Variants in RPTOR observed in about 807,000 individuals in gnomAD.
RPTOR encodes regulatory associated protein of MTOR complex 1.
Under a neutral mutation model 169.9 loss-of-function variants are expected in RPTOR, and 21 were observed. The observed-to-expected ratio is 0.12, with a 90% CI of 0.09 to 0.18. RPTOR has a LOEUF of 0.18. RPTOR is among the 10% of genes least tolerant of loss of function. The pLI is 1.00. For synonymous variants in RPTOR, 732 were observed against 753.2 expected, an observed-to-expected ratio of 0.97 and a Z score of 0.46; for missense variants, 1,133 against 1,855.9, an observed-to-expected ratio of 0.61 and a Z score of 7.16.
chr17:80,691,557 G>A (rs2065992114), intron 3 of RPTOR, among the ~76,000 whole-genome samples: 2 of 152,186 alleles, frequency 1.3e-5, no homozygotes, highest in South Asian at 2.1e-4. Flanking sequence ...CGATGTCCAC[G>A]TCGTTCCATC....
intron 11 of RPTOR, among the ~76,000 whole-genome samples, chr17:80,854,407 C>T (rs1157245462): frequency 6.6e-6 from 1 of 152,230 alleles, no homozygotes; most frequent in African/African-American, 2.4e-5. Context: ...GTGACCAGCT[C>T]AGGCAGCAGG....
rs144384143 is a variant in RPTOR, at chr17:80,856,606, C to T, written c.1398+1059C>T. Among the ~76,000 whole-genome samples, 459 of 152,334 alleles carry T rather than the reference C, an allele frequency of 3.0e-3. 1 individual carries two copies. Among genetic ancestry groups the T allele is most frequent in the Admixed American group, 6.9e-3 (106 of 15,302 alleles). On this transcript the variant is annotated intron_variant, in intron 12 of 33. Coordinates refer to ENST00000306801, the MANE Select transcript of RPTOR (RefSeq NM_020761.3). Reference sequence around the variant, plus strand: ...TCCAGGTGCCTGAGGCCACAAATAGCTTGTAACAGAGTCAGGGCCTGAGTC... The same window carrying T: ...TCCAGGTGCCTGAGGCCACAAATAGTTTGTAACAGAGTCAGGGCCTGAGTC...
intron 33 of RPTOR, among the ~76,000 whole-genome samples, chr17:80,963,401 C>T (rs1272446099): frequency 7.3e-5 from 11 of 150,220 alleles, no homozygotes; most frequent in African/African-American, 2.7e-4. Flanking sequence ...ACCCCGTCCC[C>T]TGTGCGGCCC....
At chr17:80,725,438 T>C (rs1254953682) in intron 4 of RPTOR, among the ~76,000 whole-genome samples, 1 of 152,246 alleles carries the variant, frequency 6.6e-6, no homozygotes, top group Non-Finnish European at 1.5e-5. Flanking sequence ...TTCTCTGTAC[T>C]TTTAGTTTTG....
chr17:80,882,658 A>G (rs910402319), intron 14 of RPTOR, among the ~76,000 whole-genome samples: 8 of 152,336 alleles, frequency 5.3e-5, no homozygotes, highest in East Asian at 1.9e-4. Flanking sequence ...GTCAGCGAGG[A>G]GGAAACGGAA....
intron 2 of RPTOR, among the ~76,000 whole-genome samples, chr17:80,636,961 C>G (rs957888473): frequency 1.3e-5 from 2 of 152,252 alleles, no homozygotes; most frequent in African/African-American, 2.4e-5. Flanking sequence ...AGGTCTCCAG[C>G]AGATTCTGGG....
At position 80,949,510 on chromosome 17, in the gene RPTOR, G is replaced by A. The variant is rs374929985; in HGVS notation, c.3333G>A (p.Ala1111=). 1.7e-5 allele frequency: 28 copies of A among 1,614,038 alleles called. No homozygotes were observed. Among genetic ancestry groups the A allele is most frequent in the South Asian group, 2.2e-5 (2 of 91,094 alleles). ...DLEKNPEMVT[A]WQGLSDMLPT... ...AAAAGAACCCAGAGATGGTGACCGC[G>A]TGGCAGGGGCTCTCGGACATGCTGC... The change falls in exon 28 of 34, where the codon GCG becomes GCA. Residue 1111 remains alanine (A), a synonymous_variant. Coordinates refer to ENST00000306801, the MANE Select transcript of RPTOR (RefSeq NM_020761.3).
intron 7 of RPTOR, among the ~76,000 whole-genome samples, chr17:80,815,437 C>T (rs1471311223): frequency 1.3e-5 from 2 of 152,260 alleles, no homozygotes; most frequent in Non-Finnish European, 2.9e-5. Flanking sequence ...CTGTGCGTAC[C>T]AGCTGGGACT....
At chr17:80,874,384 A>G (rs1054618557) in intron 13 of RPTOR, among the ~76,000 whole-genome samples, 3 of 152,092 alleles carry the variant, frequency 2.0e-5, no homozygotes, top group African/African-American at 7.2e-5. Flanking sequence ...TCTAGTAGAG[A>G]TGGGGTTTCA....
chr17:80,942,127 A>T (rs1320659805), intron 25 of RPTOR: 1 of 151,934 alleles, frequency 6.6e-6, no homozygotes, highest in Non-Finnish European at 1.5e-5. Context: ...GAGAGAACAG[A>T]CCCTGCTGGA....
chr17:80,870,950 C>T (rs2068045524), intron 13 of RPTOR, among the ~76,000 whole-genome samples: 1 of 152,192 alleles, frequency 6.6e-6, no homozygotes, highest in Non-Finnish European at 1.5e-5. Flanking sequence ...TGTCCTTTTT[C>T]TGTCCCAGGA....
At chr17:80,684,943 A>G (rs920725807) in intron 3 of RPTOR, among the ~76,000 whole-genome samples, 2 of 152,206 alleles carry the variant, frequency 1.3e-5, no homozygotes, top group South Asian at 2.1e-4. Context: ...ACATTTTGCA[A>G]TTACAGATAA....
At chr17:80,915,109 TG>T (rs1467198835) in intron 21 of RPTOR, among the ~76,000 whole-genome samples, 1 of 123,836 alleles carries the variant, frequency 8.1e-6, no homozygotes, top group Admixed American at 7.8e-5. Flanking sequence ...GAGCAGACGT[TG>T]GGAAAACCAG....
chr17:80,769,414 T>C (rs1280346497), intron 6 of RPTOR, among the ~76,000 whole-genome samples: 1 of 152,254 alleles, frequency 6.6e-6, no homozygotes, highest in Non-Finnish European at 1.5e-5. Context: ...CCACAGTCAC[T>C]GAGAACAGCC....
chr17:80,772,173 A>T (rs1170985402), intron 6 of RPTOR, among the ~76,000 whole-genome samples: 5 of 152,196 alleles, frequency 3.3e-5, no homozygotes, highest in Admixed American at 3.3e-4. Context: ...TGCCTGGACC[A>T]CACAGGCCAG....
At chr17:80,778,109 C>G (rs1178620361) in intron 6 of RPTOR, among the ~76,000 whole-genome samples, 1 of 152,190 alleles carries the variant, frequency 6.6e-6, no homozygotes, top group East Asian at 1.9e-4. Context: ...CTGAAAAATA[C>G]TGTTTTTCAT....
chr17:80,601,219 C>G (rs1178551194), intron 1 of RPTOR, among the ~76,000 whole-genome samples: 1 of 34,046 alleles, frequency 2.9e-5, no homozygotes, highest in Non-Finnish European at 6.5e-5. Flanking sequence ...GTGCCAGCCA[C>G]TGAGCCATCA....
chr17:80,858,198 C>T (rs995799830), intron 13 of RPTOR: 15 of 413,556 alleles, frequency 3.6e-5, no homozygotes, highest in Non-Finnish European at 5.8e-5. Flanking sequence ...AGTCCCCCTG[C>T]CTGTGTCTGA....
intron 6 of RPTOR, among the ~76,000 whole-genome samples, chr17:80,755,258 T>C (rs2066668861): frequency 6.6e-6 from 1 of 152,130 alleles, no homozygotes. Context: ...AGGTTTCCAT[T>C]CAGGGAGAGA....
Sources: gnomAD v4.1 joint callset for allele counts (sites outside exome capture counted in the v4.1 genomes callset) on GRCh38, gnomAD v4.1.1 for gene constraint, MANE v1.5 for transcripts, NCBI Gene and HGNC (gene_info 2026-07-23, HGNC 2026-07-21) for gene names.